PRKG1: variants seen among roughly 807,000 people sequenced by gnomAD.
PRKG1 encodes cGMP-dependent protein kinase 1.
A neutral mutation model predicts 88.1 loss-of-function variants in PRKG1; 35 were observed. The observed-to-expected ratio is 0.40, with a 90% CI of 0.30 to 0.53. The LOEUF is 0.53. PRKG1 is among the 20% of genes least tolerant of loss of function. The pLI, the probability that PRKG1 is intolerant of heterozygous loss-of-function variation, is 0.59. For missense variants in PRKG1, 540 were observed against 839.8 expected, an observed-to-expected ratio of 0.64 and a Z score of 4.41; for synonymous variants, 303 against 292.5, an observed-to-expected ratio of 1.04 and a Z score of -0.37.
intron 3 of PRKG1, among the ~76,000 whole-genome samples, chr10:51,588,791 A>G (rs1404945449): frequency 2.6e-5 from 4 of 152,206 alleles, no homozygotes; most frequent in African/African-American, 9.6e-5. Flanking sequence ...GTGAACCACA[A>G]TTAAAATAAA....
chr10:51,476,758 C>T (rs1297260765), intron 3 of PRKG1, among the ~76,000 whole-genome samples: 5 of 151,972 alleles, frequency 3.3e-5, no homozygotes, highest in Non-Finnish European at 7.4e-5. Flanking sequence ...GCTATTCATT[C>T]GCTCTCATTC....
chr10:51,946,860 G>T (rs919316771), intron 5 of PRKG1, among the ~76,000 whole-genome samples: 1 of 152,014 alleles, frequency 6.6e-6, no homozygotes, highest in African/African-American at 2.4e-5. Flanking sequence ...TGAGGTGTCA[G>T]TCTACCCCTA....
intron 9 of PRKG1, among the ~76,000 whole-genome samples, chr10:52,163,106 A>C (rs1298855746): frequency 6.9e-6 from 1 of 145,790 alleles, no homozygotes; most frequent in Non-Finnish European, 1.5e-5. Context: ...GTACCTTATC[A>C]GTTTTTAAAG....
chr10:51,072,925 A>G (rs1843853607), upstream of PRKG1, among the ~76,000 whole-genome samples: 1 of 152,144 alleles, frequency 6.6e-6, no homozygotes, highest in Non-Finnish European at 1.5e-5. Context: ...ATTCTTTGCT[A>G]AGTTTAGAAT....
At position 51,881,655 on chromosome 10, in the gene PRKG1, A is replaced by G. The variant is rs192775862; in HGVS notation, c.699-25852A>G. Reference sequence around the variant, plus strand: ...AGGCCAGCCCAGGTTTAAGGGGGAAATAGACACCATCTATTTTTAGGAGTT... The same window carrying G: ...AGGCCAGCCCAGGTTTAAGGGGGAAGTAGACACCATCTATTTTTAGGAGTT... On this transcript the variant is annotated intron_variant, in intron 4 of 17. Transcript: ENST00000373980. Among the ~76,000 whole-genome samples the G allele has an allele frequency of 4.6e-5, 7 of 152,352 alleles. No homozygotes were observed. The East Asian group carries it at 1.3e-3, about 29-fold the overall frequency.
At chr10:52,072,349 T>TACAAA (rs1846524328) in intron 7 of PRKG1, among the ~76,000 whole-genome samples, 2 of 151,970 alleles carry the variant, frequency 1.3e-5, no homozygotes, top group African/African-American at 2.4e-5. Flanking sequence ...AACAAAACAA[T>TACAAA]ACAAAACAAA....
chr10:51,552,828 T>C (rs1167945295), intron 3 of PRKG1, among the ~76,000 whole-genome samples: 1 of 151,634 alleles, frequency 6.6e-6, no homozygotes, highest in Non-Finnish European at 1.5e-5. Context: ...TCTACCGTAT[T>C]TTTACTGGCA....
intron 2 of PRKG1, among the ~76,000 whole-genome samples, chr10:51,289,090 T>C (rs1487947769): frequency 6.6e-6 from 1 of 152,104 alleles, no homozygotes; most frequent in Non-Finnish European, 1.5e-5. Context: ...GATAACTAAC[T>C]TTAAAAACAT....
At chr10:52,125,662 C>T (rs1040103733) in intron 7 of PRKG1, 1 of 152,152 alleles carries the variant, frequency 6.6e-6, no homozygotes, top group Non-Finnish European at 1.5e-5. Context: ...GCACTGTGGC[C>T]ATAACTTTTG....
chr10:51,676,695 C>T (rs998320063), intron 3 of PRKG1, among the ~76,000 whole-genome samples: 10 of 152,146 alleles, frequency 6.6e-5, no homozygotes, highest in Admixed American at 2.0e-4. Context: ...TTCTGCTTCA[C>T]ATTGTTGTGT....
intron 3 of PRKG1, among the ~76,000 whole-genome samples, chr10:51,524,902 A>G (rs1035868286): frequency 6.6e-6 from 1 of 152,222 alleles, no homozygotes; most frequent in Non-Finnish European, 1.5e-5. Flanking sequence ...TTCCAATTAC[A>G]TTTTTAATGA....
chr10:52,030,301 T>C (rs1256461747), intron 5 of PRKG1, among the ~76,000 whole-genome samples: 2 of 152,186 alleles, frequency 1.3e-5, no homozygotes, highest in Non-Finnish European at 2.9e-5. Context: ...CCTATCCACA[T>C]CAAGGCTCAG....
At chr10:51,568,134 G>A (rs1308713390) in intron 3 of PRKG1, among the ~76,000 whole-genome samples, 1 of 152,034 alleles carries the variant, frequency 6.6e-6, no homozygotes, top group African/African-American at 2.4e-5. Context: ...CACTAGAGTT[G>A]CAAAGTGGAC....
intron 17 of PRKG1, among the ~76,000 whole-genome samples, chr10:52,292,578 T>C (rs1234297166): frequency 7.2e-5 from 11 of 151,964 alleles, no homozygotes; most frequent in Non-Finnish European, 1.5e-4. Context: ...GTTGTAGATA[T>C]GCGGCGTTAT....
intron 7 of PRKG1, among the ~76,000 whole-genome samples, chr10:52,082,520 T>A (rs181839180): frequency 6.6e-6 from 1 of 152,192 alleles, no homozygotes; most frequent in African/African-American, 2.4e-5. Context: ...AAAGTGAAAT[T>A]GGAAAGAGAT....
intron 2 of PRKG1, among the ~76,000 whole-genome samples, chr10:51,254,298 T>C (rs182651801): frequency 6.6e-6 from 1 of 152,150 alleles, no homozygotes; most frequent in African/African-American, 2.4e-5. Context: ...TTTTCATGTC[T>C]CGCTCATATT....
At position 51,114,005 on chromosome 10, in the gene PRKG1, TA is replaced by T. The variant is rs1845044329; in HGVS notation, c.311+39108del. ...TGTGTGTTGCTTTGATCATTTTAAC[TA>T]AAACTGTGTTTCTTTCCTGCCTCAT... is the stretch of plus-strand genomic sequence containing the variant. On this transcript the variant is annotated intron_variant, in intron 1 of 17. Coordinates refer to ENST00000373980, the MANE Select transcript of PRKG1 (RefSeq NM_006258.4). Among the ~76,000 whole-genome samples, 4 of 150,590 alleles carry T rather than the reference TA, an allele frequency of 2.7e-5. No homozygotes were observed. In the Admixed American group the frequency reaches 2.7e-4, roughly 10 times the overall value.
rs185278629 is a variant in PRKG1 at position 51,343,854 on chromosome 10, C to T, written c.479-123869C>T. ...GGTCTTTGTATCACCAGTAATGTGC[C>T]CCTCATATGTAGCTAAAAGCTCTTT... On this transcript the variant is annotated intron_variant, in intron 2 of 17. Coordinates refer to ENST00000373980, the MANE Select transcript of PRKG1 (RefSeq NM_006258.4). 8.5e-5 allele frequency among the ~76,000 whole-genome samples: 13 copies of T among 152,158 alleles called. No individual in the cohort carries two copies. In the East Asian group the frequency reaches 2.1e-3, roughly 25 times the overall value.
intron 7 of PRKG1, among the ~76,000 whole-genome samples, chr10:52,081,838 C>A (rs1705365735): frequency 6.6e-6 from 1 of 150,430 alleles, no homozygotes; most frequent in Admixed American, 6.7e-5. Context: ...AGAAAGTGAG[C>A]CACAGCTATC....
Sources: gnomAD v4.1 joint callset for allele counts (sites outside exome capture counted in the v4.1 genomes callset) on GRCh38, gnomAD v4.1.1 for gene constraint, MANE v1.5 for transcripts, NCBI Gene and HGNC (gene_info 2026-07-23, HGNC 2026-07-21) for gene names.